The following MACROD2 variants were observed in gnomAD, a reference collection of about 807,000 sequenced individuals.
MACROD2 encodes the protein mono-ADP ribosylhydrolase 2, also known as ADP-ribose glycohydrolase MACROD2.
MACROD2 carries 36 observed loss-of-function variants against 70.4 expected under a neutral mutation model. The ratio of observed to expected loss-of-function variants is 0.51; its 90% CI spans 0.39 to 0.68. MACROD2 has a LOEUF of 0.68. Ranked by LOEUF, MACROD2 falls within the 30% of genes least tolerant of loss-of-function variation. The pLI, the probability that MACROD2 is intolerant of heterozygous loss-of-function variation, is 0.00. For missense variants in MACROD2, 496 were observed against 538.4 expected (o/e 0.92, Z 0.78); for synonymous variants, 172 against 178.8 (o/e 0.96, Z 0.30).
At chr20:15,685,420 C>T (rs950730760) in intron 8 of MACROD2, among the ~76,000 whole-genome samples, 1 of 152,154 alleles carries the variant, frequency 6.6e-6, no homozygotes, top group African/African-American at 2.4e-5. Flanking sequence ...AGGAGGTGAA[C>T]ACAGATGTCT....
chr20:14,736,932 C>T (rs1407212845), intron 5 of MACROD2, among the ~76,000 whole-genome samples: 1 of 152,038 alleles, frequency 6.6e-6, no homozygotes, highest in Non-Finnish European at 1.5e-5. Context: ...ACAACAGAAT[C>T]TGTATCACCA....
chr20:15,591,732 A>T (rs1411113732), intron 8 of MACROD2, among the ~76,000 whole-genome samples: 1 of 151,298 alleles, frequency 6.6e-6, no homozygotes, highest in Non-Finnish European at 1.5e-5. Context: ...TTATGTTTTT[A>T]ATTACTTTAG....
At chr20:14,436,754 G>T (rs947458172) in intron 3 of MACROD2, among the ~76,000 whole-genome samples, 7 of 152,308 alleles carry the variant, frequency 4.6e-5, no homozygotes, top group African/African-American at 1.4e-4. Flanking sequence ...CTAGTATTGG[G>T]TTCTTCTTTG....
chr20:14,727,879 T>C (rs1215887690), intron 5 of MACROD2, among the ~76,000 whole-genome samples: 1 of 152,204 alleles, frequency 6.6e-6, no homozygotes, highest in Non-Finnish European at 1.5e-5. Flanking sequence ...TTACTTTTCC[T>C]GGCTACTTTA....
intron 7 of MACROD2, among the ~76,000 whole-genome samples, chr20:15,434,404 A>C (rs1165437075): frequency 1.3e-5 from 2 of 151,470 alleles, no homozygotes; most frequent in Non-Finnish European, 2.9e-5. Context: ...AGCAGCCAAC[A>C]AACATGTGAA....
At chr20:14,302,969 TG>T (rs889852736) in intron 3 of MACROD2, among the ~76,000 whole-genome samples, 18 of 152,206 alleles carry the variant, frequency 1.2e-4, no homozygotes, top group African/African-American at 4.1e-4. Context: ...ATTTTTAAAG[TG>T]GTGAAAGTAT....
At chr20:14,655,802 T>C (rs961508690) in intron 4 of MACROD2, among the ~76,000 whole-genome samples, 1 of 152,234 alleles carries the variant, frequency 6.6e-6, no homozygotes, top group Admixed American at 6.5e-5. Context: ...CTACTTTTAC[T>C]CAAAATTGTT....
chr20:15,736,793 C>G (rs2051027646), intron 8 of MACROD2, among the ~76,000 whole-genome samples: 1 of 152,170 alleles, frequency 6.6e-6, no homozygotes, highest in African/African-American at 2.4e-5. Flanking sequence ...ATTGGCTCCA[C>G]AAGACCTACT....
intron 3 of MACROD2, among the ~76,000 whole-genome samples, chr20:14,148,126 G>A (rs1317152157): frequency 1.3e-5 from 2 of 152,174 alleles, no homozygotes; most frequent in Non-Finnish European, 2.9e-5. Flanking sequence ...GAATTTCTTA[G>A]CTAAATTGAG....
chr20:14,406,429 G>C (rs1600208187), intron 3 of MACROD2, among the ~76,000 whole-genome samples: 1 of 152,052 alleles, frequency 6.6e-6, no homozygotes. Context: ...AGAGAATAAG[G>C]GAACCTGGTA....
chr20:15,689,263 C>A (rs889720192), intron 8 of MACROD2, among the ~76,000 whole-genome samples: 2 of 151,616 alleles, frequency 1.3e-5, no homozygotes, highest in Non-Finnish European at 2.9e-5. Flanking sequence ...GAGATATTGC[C>A]ACTACAGTCT....
chr20:14,225,827 TG>T (rs1003616946), intron 3 of MACROD2, among the ~76,000 whole-genome samples: 12 of 152,330 alleles, frequency 7.9e-5, no homozygotes, highest in African/African-American at 2.9e-4. Context: ...AAACTTAGAA[TG>T]TTTTTTCTAA....
intron 13 of MACROD2, among the ~76,000 whole-genome samples, chr20:15,970,970 T>C (rs1443000642): frequency 6.6e-6 from 1 of 152,172 alleles, no homozygotes; most frequent in Non-Finnish European, 1.5e-5. Flanking sequence ...AGAATATTTC[T>C]GAGTAACTTA....
At chr20:15,037,399 TA>T (rs998415963) in intron 5 of MACROD2, among the ~76,000 whole-genome samples, 1 of 152,220 alleles carries the variant, frequency 6.6e-6, no homozygotes, top group African/African-American at 2.4e-5. Context: ...GGTTGAGAAT[TA>T]AAAACAAGTT....
chr20:15,655,104 AATGTGTGTGTGTGT>A (rs1226586761), intron 8 of MACROD2, among the ~76,000 whole-genome samples: 1 of 151,912 alleles, frequency 6.6e-6, no homozygotes, highest in Non-Finnish European at 1.5e-5. Flanking sequence ...TGAAAAATAC[AATGTGTGTGTGTGT>A]ATGTGTGTGC....
At chr20:15,279,566 G>T (rs769918907) in intron 6 of MACROD2, among the ~76,000 whole-genome samples, 7 of 152,158 alleles carry the variant, frequency 4.6e-5, no homozygotes, top group Admixed American at 2.6e-4. Flanking sequence ...AAGTTGGTGA[G>T]AAATTGATAC....
intron 4 of MACROD2, among the ~76,000 whole-genome samples, chr20:14,520,050 CG>C (rs2085147897): frequency 6.6e-6 from 1 of 152,022 alleles, no homozygotes; most frequent in Non-Finnish European, 1.5e-5. Context: ...ACAACAGACA[CG>C]GGGGCCTTCT....
chr20:14,584,185 T>G (rs951601740), intron 4 of MACROD2, among the ~76,000 whole-genome samples: 3 of 152,206 alleles, frequency 2.0e-5, no homozygotes, highest in African/African-American at 7.2e-5. Flanking sequence ...AGCACCTCAT[T>G]TACCCAGCAG....
intron 5 of MACROD2, among the ~76,000 whole-genome samples, chr20:14,849,191 A>T (rs1272558149): frequency 6.6e-6 from 1 of 152,166 alleles, no homozygotes; most frequent in Non-Finnish European, 1.5e-5. Context: ...AGATGTTAGG[A>T]TATGAAAACA....
Sources: allele counts gnomAD v4.1 joint callset (sites outside exome capture counted in the v4.1 genomes callset), GRCh38; gene constraint gnomAD v4.1.1; transcripts MANE v1.5; gene names NCBI Gene and HGNC (gene_info 2026-07-23, HGNC 2026-07-21).